The following RICTOR variants were observed in gnomAD, a reference collection of about 807,000 sequenced individuals.
RICTOR encodes the protein rapamycin-insensitive companion of mTOR.
A neutral mutation model predicts 214.9 loss-of-function variants in RICTOR; 49 were observed. That is an observed-to-expected ratio of 0.23 (90% CI 0.18 to 0.29). The LOEUF (loss-of-function observed/expected upper bound fraction) is 0.29, where lower values mean the gene tolerates loss of function less well. RICTOR is among the 10% of genes least tolerant of loss of function. The pLI is 1.00. For synonymous variants in RICTOR, 717 were observed against 711.3 expected (o/e 1.01, Z -0.13); for missense variants, 1,625 against 2,047.0 (o/e 0.79, Z 3.98).
intron 2 of RICTOR, among the ~76,000 whole-genome samples, chr5:39,033,869 CAATA>C (rs1444221074): frequency 6.6e-6 from 1 of 152,098 alleles, no homozygotes; most frequent in Non-Finnish European, 1.5e-5. Context: ...ATGTTTTTAA[CAATA>C]AATAAATAAA....
In RICTOR at chr5:38,951,969, T is replaced by C. The variant is rs114930228; in HGVS notation, c.3127+227A>G. On this transcript the variant is annotated intron_variant, in intron 30 of 37. Coordinates refer to ENST00000357387, the MANE Select transcript of RICTOR (RefSeq NM_152756.5). ...TGGCACATGGCTTATTACATAACTT[T>C]GTAGGAATCCTCAAAAGCTACTTAG... is the stretch of plus-strand genomic sequence containing the variant. Among the ~76,000 whole-genome samples, 591 of 152,074 alleles carry C rather than the reference T, an allele frequency of 3.9e-3. 3 individuals carry two copies. The highest frequency in any genetic ancestry group is 0.014 in the African/African-American group (566 of 41,526).
intron 3 of RICTOR, among the ~76,000 whole-genome samples, chr5:39,010,693 C>T (rs1307924036): frequency 6.6e-6 from 1 of 152,194 alleles, no homozygotes; most frequent in African/African-American, 2.4e-5. Flanking sequence ...AACAAAGAGA[C>T]TGACAGCATT....
intron 3 of RICTOR, among the ~76,000 whole-genome samples, chr5:39,015,728 C>T (rs1580106427): frequency 1.3e-5 from 2 of 152,006 alleles, no homozygotes; most frequent in Non-Finnish European, 2.9e-5. Context: ...CACCATCTTA[C>T]AGTCAGCTAA....
chr5:39,001,945 A>G (rs566961258), intron 5 of RICTOR, among the ~76,000 whole-genome samples: 2 of 152,244 alleles, frequency 1.3e-5, no homozygotes, highest in African/African-American at 4.8e-5. Flanking sequence ...AGCAATATCT[A>G]CTAAAGCTAA....
intron 2 of RICTOR, among the ~76,000 whole-genome samples, chr5:39,044,041 T>A (rs1236539137): frequency 6.6e-6 from 1 of 152,206 alleles, no homozygotes; most frequent in Admixed American, 6.5e-5. Context: ...TTAATGGATT[T>A]ACTAAATACC....
At position 38,954,855 on chromosome 5, in the gene RICTOR, C is replaced by T. The variant is rs1182819427; in HGVS notation, c.2616G>A (p.Gln872=). The change falls in exon 27 of 38, where the codon CAG becomes CAA. Residue 872 remains glutamine (Q), a synonymous_variant. Coordinates refer to ENST00000357387, the MANE Select transcript of RICTOR (RefSeq NM_152756.5). ...NYVRRSNQRL[Q]RPHVYLPIHL... ...GTATAGGCAGGTAGACGTGAGGACG[C>T]TGTAATCTAGTATAATAAAGATGAT... 9 of 1,552,976 alleles carry T rather than the reference C, an allele frequency of 5.8e-6. No homozygotes were observed. The highest frequency in any genetic ancestry group is 1.1e-5 in the South Asian group (1 of 89,048).
chr5:39,019,173 G>A (rs553775795), intron 3 of RICTOR, among the ~76,000 whole-genome samples: 4 of 152,232 alleles, frequency 2.6e-5, no homozygotes, highest in East Asian at 3.9e-4. Flanking sequence ...ACCCATCTCC[G>A]TAACATAAAA....
chr5:38,990,731 T>TCTATGATATATCTGATATATATCAG (rs1752651510), intron 7 of RICTOR, among the ~76,000 whole-genome samples: 1 of 123,024 alleles, frequency 8.1e-6, no homozygotes, highest in South Asian at 2.5e-4. Context: ...ATATATCATA[T>TCTATGATATATCTGATATATATCAG]ATATGATATA....
chr5:38,978,627 A>G lies in RICTOR; in HGVS notation c.777T>C (p.Asp259=), dbSNP rs768400488. The G allele has an allele frequency of 1.3e-6, 2 of 1,567,430 alleles. No homozygotes were observed. Among genetic ancestry groups the G allele is most frequent in the East Asian group, 4.5e-5 (2 of 44,430 alleles). The stretch of plus-strand genomic sequence containing the variant: ...TATCTGGACTATGTCTGTAGTGAAA[A>G]TCAGTATAGGGTGCTAAAATTCTCT... ...ELERILAPYT[D]FHYRHSPDTA... The change falls in exon 9 of 38, where the codon GAT becomes GAC. Residue 259 remains aspartate (D), a synonymous_variant. Coordinates refer to ENST00000357387, the MANE Select transcript of RICTOR (RefSeq NM_152756.5).
intron 7 of RICTOR, among the ~76,000 whole-genome samples, chr5:38,986,800 G>C (rs902719506): frequency 3.3e-5 from 5 of 152,080 alleles, no homozygotes; most frequent in African/African-American, 9.7e-5. Flanking sequence ...GTCTTGTGCC[G>C]GTTTTCAAAG....
chr5:39,023,084 T>C (rs1166445341), intron 2 of RICTOR, among the ~76,000 whole-genome samples: 2 of 151,482 alleles, frequency 1.3e-5, no homozygotes, highest in African/African-American at 2.4e-5. Flanking sequence ...AGTAGCCAGA[T>C]TAAAAACAAG....
At chr5:38,968,142 A>G (rs1554063960) in intron 11 of RICTOR, 112 bp from the exon 12 acceptor site, 1 of 650,096 alleles carries the variant, frequency 1.5e-6, no homozygotes. Flanking sequence ...TAATACAATG[A>G]CATGTCACAT....
rs1259670278 is a variant in RICTOR at position 39,020,414 on chromosome 5, C to G, written c.195+625G>C. Among the ~76,000 whole-genome samples, 4 of 152,312 alleles carry G rather than the reference C, an allele frequency of 2.6e-5. No homozygotes were observed. The East Asian group carries it at 5.8e-4, about 22-fold the overall frequency. On this transcript the variant is annotated intron_variant, in intron 3 of 37. Transcript: ENST00000357387. ...TCACCTTAACCTTCAGCAACCACTACTCTGATAAGGCAGCAGCCACTGACA... is the reference window on the plus strand; with the variant it reads ...TCACCTTAACCTTCAGCAACCACTAGTCTGATAAGGCAGCAGCCACTGACA...
Position 38,949,791 on chromosome 5 carries a change from A to C in RICTOR, c.4057T>G (p.Ser1353Ala), listed in dbSNP as rs1748559297. 6.2e-7 allele frequency: 1 copy of C among 1,613,304 alleles called. No homozygotes were observed. Among genetic ancestry groups the C allele is most frequent in the Non-Finnish European group, 8.5e-7 (1 of 1,179,510 alleles). ...GTAAATAGCACATCTTTTGCTGGAG[A>C]TGCCAAAGCTTCAGAGTGAGATAAG... ...PSLSHSEALA[S>A]PAKDVLFTDT... The change falls in exon 31 of 38, where the codon TCT (serine) becomes GCT (alanine). Residue 1353 changes from serine to alanine, a missense_variant. Transcript: ENST00000357387.
chr5:39,010,050 G>A (rs1041871334), intron 3 of RICTOR, among the ~76,000 whole-genome samples: 10 of 152,128 alleles, frequency 6.6e-5, no homozygotes, highest in Admixed American at 6.5e-4. Context: ...ATCCCCACGT[G>A]TCAAGGGCAG....
chr5:39,001,464 G>C (rs1753611148), intron 5 of RICTOR, among the ~76,000 whole-genome samples: 1 of 151,974 alleles, frequency 6.6e-6, no homozygotes, highest in Admixed American at 6.6e-5. Context: ...ATGGTTCAAA[G>C]ACTTAAACAC....
At chr5:38,948,362 A>G (rs1383979266) in intron 31 of RICTOR, among the ~76,000 whole-genome samples, 1 of 152,034 alleles carries the variant, frequency 6.6e-6, no homozygotes, top group African/African-American at 2.4e-5. Flanking sequence ...ATTTCCACCC[A>G]AAAAACACTC....
chr5:39,052,344 C>A (rs1368027132), intron 2 of RICTOR, among the ~76,000 whole-genome samples: 1 of 152,170 alleles, frequency 6.6e-6, no homozygotes, highest in African/African-American at 2.4e-5. Context: ...CCACTGCAAT[C>A]CAGCCTGGGC....
Position 39,060,393 on chromosome 5 carries a change from A to G in RICTOR, c.97+13718T>C, listed in dbSNP as rs1758462555. ...CTTAACAGTTGCCATTCTACAGCAC[A>G]ATAAAAGTAAAAAACAAAGAATTAA... On this transcript the variant is annotated intron_variant, in intron 2 of 37. Coordinates refer to ENST00000357387, the MANE Select transcript of RICTOR (RefSeq NM_152756.5). Among the ~76,000 whole-genome samples, 3 of 152,094 alleles carry G rather than the reference A, an allele frequency of 2.0e-5. No individual in the cohort carries two copies. In the South Asian group the frequency reaches 6.2e-4, roughly 32 times the overall value.
Sources: gnomAD v4.1 joint callset for allele counts (sites outside exome capture counted in the v4.1 genomes callset) on GRCh38, gnomAD v4.1.1 for gene constraint, MANE v1.5 for transcripts, NCBI Gene and HGNC (gene_info 2026-07-23, HGNC 2026-07-21) for gene names.